RNF13: variants seen among roughly 807,000 people sequenced by gnomAD.
The protein encoded by RNF13 is E3 ubiquitin-protein ligase RNF13.
A neutral mutation model predicts 37.7 loss-of-function variants in RNF13; 19 were observed. That is an observed-to-expected ratio of 0.50 (90% CI 0.35 to 0.74). The LOEUF (loss-of-function observed/expected upper bound fraction) is 0.74, where lower values mean the gene tolerates loss of function less well. RNF13 is among the 30% of genes least tolerant of loss of function. The pLI, the probability that RNF13 is intolerant of heterozygous loss-of-function variation, is 0.01. For missense variants in RNF13, 375 were observed against 453.0 expected (o/e 0.83, Z 1.56); for synonymous variants, 144 against 157.8 (o/e 0.91, Z 0.65).
At position 149,846,116 on chromosome 3, in the gene RNF13, G is replaced by A. The variant is rs1559903080; in HGVS notation, c.90G>A (p.Leu30=). ...TVQLFAFLNL[L]PVEADILAYN... ...AGCTCTTTGCATTCTTAAACCTACT[G>A]CCTGTAGAAGCAGACATTTTAGCAG... Residue 30 remains leucine, a synonymous_variant, in exon 2 of 10, where the codon CTG becomes CTA. Transcript: ENST00000392894. 2 of 1,611,262 alleles carry A rather than the reference G, an allele frequency of 1.2e-6. No homozygotes were observed. Among genetic ancestry groups the A allele is most frequent in the African/African-American group, 1.3e-5 (1 of 74,882 alleles).
At chr3:149,903,937 ATCTGTCTGTCTGTCTGTCTGTCTG>A (rs34025145) in intron 6 of RNF13, among the ~76,000 whole-genome samples, 1 of 148,374 alleles carries the variant, frequency 6.7e-6, no homozygotes, top group Non-Finnish European at 1.5e-5. Flanking sequence ...ATATCTGTCT[ATCTGTCTGTCTGTCTGTCTGTCTG>A]TCTGTCTGTC....
chr3:149,867,674 CTT>C (rs1711521209), intron 3 of RNF13, among the ~76,000 whole-genome samples: 2 of 151,864 alleles, frequency 1.3e-5, no homozygotes, highest in South Asian at 4.2e-4. Flanking sequence ...CTATGTGTAT[CTT>C]TATAGGTGAA....
At chr3:149,819,056 G>T (rs971728251) in intron 1 of RNF13, among the ~76,000 whole-genome samples, 1 of 152,350 alleles carries the variant, frequency 6.6e-6, no homozygotes, top group South Asian at 2.1e-4. Context: ...TTAGCTGGGT[G>T]ATTTTGCATA....
chr3:149,837,400 A>C (rs1298552371), intron 1 of RNF13, among the ~76,000 whole-genome samples: 1 of 152,148 alleles, frequency 6.6e-6, no homozygotes, highest in Non-Finnish European at 1.5e-5. Context: ...CTCCCCAAAT[A>C]AGGACTTTTT....
intron 8 of RNF13, among the ~76,000 whole-genome samples, chr3:149,936,253 C>G (rs1719663886): frequency 6.6e-6 from 1 of 152,002 alleles, no homozygotes; most frequent in Non-Finnish European, 1.5e-5. Context: ...TTTGACCTTC[C>G]TATGCCTGGA....
chr3:149,828,878 G>A (rs1444674671), intron 1 of RNF13, among the ~76,000 whole-genome samples: 1 of 152,002 alleles, frequency 6.6e-6, no homozygotes, highest in Non-Finnish European at 1.5e-5. Flanking sequence ...CAAGGGGAGG[G>A]GCCTGGGAAC....
chr3:149,889,653 ATTTT>A (rs945001092), intron 4 of RNF13, among the ~76,000 whole-genome samples: 1 of 126,244 alleles, frequency 7.9e-6, no homozygotes, highest in Admixed American at 8.2e-5. Context: ...AAATCTGACA[ATTTT>A]TTTTTTTTTT....
intron 4 of RNF13, among the ~76,000 whole-genome samples, chr3:149,891,817 T>C (rs1482559182): frequency 6.6e-6 from 1 of 152,246 alleles, no homozygotes; most frequent in African/African-American, 2.4e-5. Flanking sequence ...ATTTTATGAA[T>C]GGGAAACTTT....
intron 1 of RNF13, among the ~76,000 whole-genome samples, chr3:149,830,632 A>G (rs1361992188): frequency 7.2e-6 from 1 of 138,506 alleles, no homozygotes; most frequent in Non-Finnish European, 1.5e-5. Flanking sequence ...GCAGAGCATA[A>G]AAGTTCAGAA....
rs1436030607 is a variant in RNF13, at chr3:149,890,803, TC to T, written c.322-4667del. ...CATATGAAAAAATATCCCCACCTTTTCCCACTGTTAACCAGAATTTCCTGTT... is the reference window on the plus strand; with the variant it reads ...CATATGAAAAAATATCCCCACCTTTTCCACTGTTAACCAGAATTTCCTGTT... On this transcript the variant is annotated intron_variant, in intron 4 of 9. Coordinates refer to ENST00000392894, the MANE Select transcript of RNF13 (RefSeq NM_183381.3). 6.6e-5 allele frequency among the ~76,000 whole-genome samples: 10 copies of T among 152,304 alleles called. No individual in the cohort carries two copies. In the East Asian group the frequency reaches 1.9e-3, roughly 29 times the overall value.
At chr3:149,913,557 C>T (rs1260406492) in intron 7 of RNF13, among the ~76,000 whole-genome samples, 1 of 152,148 alleles carries the variant, frequency 6.6e-6, no homozygotes, top group Non-Finnish European at 1.5e-5. Context: ...CTTTCTGTTC[C>T]AGGATCAAAT....
At chr3:149,881,513 T>C (rs1713396464) in intron 4 of RNF13, among the ~76,000 whole-genome samples, 1 of 152,102 alleles carries the variant, frequency 6.6e-6, no homozygotes, top group Non-Finnish European at 1.5e-5. Context: ...ATATTTTTAG[T>C]AGAGATGGGG....
In RNF13 at chr3:149,961,363, A is replaced by T. The variant is rs1175559398; in HGVS notation, c.*259A>T. The T allele has an allele frequency of 5.3e-6, 3 of 567,626 alleles. No individual in the cohort carries two copies. The highest frequency in any genetic ancestry group is 1.9e-5 in the African/African-American group (1 of 53,194). 35.2% of individuals were successfully genotyped at this position (567,626 alleles called of 1,614,324 possible). On this transcript the variant is annotated 3_prime_UTR_variant, in exon 10 of 10. Coordinates refer to ENST00000392894, the MANE Select transcript of RNF13 (RefSeq NM_183381.3). ...GGAATGAAAGTATAGCCAAAACATA[A>T]AAAAAAAAAAATCCTCAGTATAGCT... is the stretch of plus-strand genomic sequence containing the variant.
intron 1 of RNF13, among the ~76,000 whole-genome samples, chr3:149,824,117 A>G (rs1272066742): frequency 6.6e-6 from 1 of 152,226 alleles, no homozygotes; most frequent in African/African-American, 2.4e-5. Flanking sequence ...TGGACATCAA[A>G]ATGATAATAC....
intron 3 of RNF13, among the ~76,000 whole-genome samples, chr3:149,870,429 AT>A (rs1267530461): frequency 6.6e-6 from 1 of 151,580 alleles, no homozygotes; most frequent in East Asian, 1.9e-4. Context: ...CCGTAATCTC[AT>A]TGCTGTACAT....
chr3:149,939,210 TGTGCA>T (rs1720005466), intron 8 of RNF13: 1 of 517,534 alleles, frequency 1.9e-6, no homozygotes, highest in African/African-American at 2.0e-5. Context: ...ATTTGACTTC[TGTGCA>T]TTTTTGGCTG....
At chr3:149,909,161 G>A (rs1716725920) in intron 6 of RNF13, among the ~76,000 whole-genome samples, 1 of 152,104 alleles carries the variant, frequency 6.6e-6, no homozygotes, top group Non-Finnish European at 1.5e-5. Context: ...TTCCATTGTA[G>A]TTCTGTTGTA....
intron 5 of RNF13, among the ~76,000 whole-genome samples, chr3:149,899,370 A>G (rs1715585005): frequency 6.6e-6 from 1 of 152,154 alleles, no homozygotes; most frequent in South Asian, 2.1e-4. Context: ...AATCACTTGA[A>G]CCTGGGAGGC....
chr3:149,915,268 T>C (rs900115865), intron 7 of RNF13, among the ~76,000 whole-genome samples: 10 of 152,222 alleles, frequency 6.6e-5, no homozygotes, highest in Non-Finnish European at 1.5e-5. Flanking sequence ...TTCAGATTTC[T>C]AATATAGATT....
Sources: allele counts gnomAD v4.1 joint callset (sites outside exome capture counted in the v4.1 genomes callset), GRCh38; gene constraint gnomAD v4.1.1; transcripts MANE v1.5; gene names NCBI Gene and HGNC (gene_info 2026-07-23, HGNC 2026-07-21).